Variants in EYS observed in about 807,000 individuals in gnomAD.
EYS encodes protein eyes shut homolog.
EYS carries 250 observed loss-of-function variants against 282.1 expected under a neutral mutation model. The observed-to-expected ratio is 0.89, with a 90% CI of 0.80 to 0.98. The LOEUF (loss-of-function observed/expected upper bound fraction) is 0.98. EYS is among the 50% of genes least tolerant of loss of function. The pLI is 0.00. For synonymous variants in EYS, 1,355 were observed against 1,282.9 expected (o/e 1.06, Z -1.20); for missense variants, 4,016 against 3,709.0 (o/e 1.08, Z -2.15).
chr6:63,746,131 T>A (rs1181871016), intron 41 of EYS, among the ~76,000 whole-genome samples: 1 of 152,220 alleles, frequency 6.6e-6, no homozygotes, highest in African/African-American at 2.4e-5. Flanking sequence ...GTTTTTAGCA[T>A]GAAGGAGTGT....
At position 63,778,031 on chromosome 6, in the gene EYS, A is replaced by T. The variant is rs751128329; in HGVS notation, c.7873T>A (p.Cys2625Ser). The change falls in exon 40 of 43, where the codon TGC becomes AGC. Residue 2625 changes from cysteine to serine, a missense_variant. Coordinates refer to ENST00000503581, the MANE Select transcript of EYS (RefSeq NM_001142800.2). ...TAAACACTAGTTCCACTCTCTATGC[A>T]TGTCCCACCATTGCCACATTTCATT... ...SLMKCGNGGT[C>S]IESGTSVYCN... 6.4e-7 allele frequency: 1 copy of T among 1,551,694 alleles called. No homozygotes were observed. The highest frequency in any genetic ancestry group is 1.2e-5 in the South Asian group (1 of 84,066).
At chr6:64,705,813 T>G (rs1307577980) in intron 22 of EYS, among the ~76,000 whole-genome samples, 1 of 116,844 alleles carries the variant, frequency 8.6e-6, no homozygotes, top group Non-Finnish European at 1.7e-5. Context: ...AACATCACAC[T>G]CTGGGGACTG....
intron 2 of EYS, among the ~76,000 whole-genome samples, chr6:65,526,754 C>T (rs1767582304): frequency 6.6e-6 from 1 of 151,982 alleles, no homozygotes; most frequent in African/African-American, 2.4e-5. Context: ...TGCAGTGAGC[C>T]CAGATCGCGC....
chr6:63,774,633 TGCATATGTTAATTA>T (rs1370246475), intron 40 of EYS, among the ~76,000 whole-genome samples: 1 of 152,154 alleles, frequency 6.6e-6, no homozygotes, highest in Non-Finnish European at 1.5e-5. Context: ...TGTGAGGTAA[TGCATATGTTAATTA>T]GCTCATTTGA....
At chr6:64,011,768 T>C (rs921142977) in intron 33 of EYS, among the ~76,000 whole-genome samples, 1 of 152,194 alleles carries the variant, frequency 6.6e-6, no homozygotes, top group East Asian at 1.9e-4. Flanking sequence ...ACCTAGTTCA[T>C]GTATAATTGC....
intron 2 of EYS, among the ~76,000 whole-genome samples, chr6:65,502,505 G>C (rs1397190917): frequency 6.6e-6 from 1 of 151,586 alleles, no homozygotes; most frequent in Non-Finnish European, 1.5e-5. Context: ...TTTCATATTA[G>C]TATAACACAT....
intron 9 of EYS, among the ~76,000 whole-genome samples, chr6:65,351,294 G>A (rs1165346734): frequency 6.6e-6 from 1 of 151,634 alleles, no homozygotes; most frequent in African/African-American, 2.4e-5. Flanking sequence ...TTTAATTTTT[G>A]TTATAATTAG....
chr6:63,950,171 C>CA (rs967914796), intron 35 of EYS, among the ~76,000 whole-genome samples: 35 of 124,878 alleles, frequency 2.8e-4, no homozygotes, highest in Admixed American at 1.3e-3. Context: ...GACTCCGTCT[C>CA]AAAAAACAAA....
At chr6:64,857,616 T>C (rs1766105716) in intron 19 of EYS, among the ~76,000 whole-genome samples, 1 of 152,194 alleles carries the variant, frequency 6.6e-6, no homozygotes, top group Non-Finnish European at 1.5e-5. Flanking sequence ...CTTTCGGATA[T>C]GTATTCAGAA....
At chr6:64,345,349 A>G (rs573227675) in intron 29 of EYS, among the ~76,000 whole-genome samples, 1 of 152,298 alleles carries the variant, frequency 6.6e-6, no homozygotes, top group African/African-American at 2.4e-5. Flanking sequence ...GTACCAAAAC[A>G]GAGATGTAGA....
intron 12 of EYS, among the ~76,000 whole-genome samples, chr6:65,259,345 C>G (rs964385769): frequency 2.6e-5 from 4 of 152,058 alleles, no homozygotes; most frequent in South Asian, 2.1e-4. Context: ...AAAAAAACTG[C>G]TTCAGAGATT....
At chr6:65,571,348 G>A (rs1764471415) in intron 2 of EYS, among the ~76,000 whole-genome samples, 1 of 151,978 alleles carries the variant, frequency 6.6e-6, no homozygotes, top group Non-Finnish European at 1.5e-5. Flanking sequence ...AATAAAAGTT[G>A]ATAGGCAGAT....
intron 26 of EYS, among the ~76,000 whole-genome samples, chr6:64,507,863 A>G (rs1777261622): frequency 6.6e-6 from 1 of 152,170 alleles, no homozygotes; most frequent in South Asian, 2.1e-4. Context: ...TGACAAGCTA[A>G]TACCACAGAT....
At chr6:64,500,335 AT>A (rs1398304924) in intron 26 of EYS, among the ~76,000 whole-genome samples, 1 of 152,062 alleles carries the variant, frequency 6.6e-6, no homozygotes, top group African/African-American at 2.4e-5. Context: ...AAGGACCATA[AT>A]TTTCCTGCTT....
intron 35 of EYS, among the ~76,000 whole-genome samples, chr6:63,971,825 T>G (rs899802249): frequency 6.6e-6 from 1 of 152,206 alleles, no homozygotes; most frequent in East Asian, 1.9e-4. Context: ...ATTTCAATTG[T>G]ATTTGTCATA....
At chr6:64,160,505 C>T (rs989169191) in intron 31 of EYS, among the ~76,000 whole-genome samples, 1 of 152,138 alleles carries the variant, frequency 6.6e-6, no homozygotes, top group African/African-American at 2.4e-5. Context: ...TAAATCTAGC[C>T]TCTTCTGTAG....
At chr6:64,585,797 T>A (rs1434690328) in intron 26 of EYS, among the ~76,000 whole-genome samples, 1 of 152,164 alleles carries the variant, frequency 6.6e-6, no homozygotes, top group Non-Finnish European at 1.5e-5. Flanking sequence ...CTTTCTTGGT[T>A]ATACTTTTGC....
chr6:65,318,359 T>A (rs1478754108), intron 11 of EYS, among the ~76,000 whole-genome samples: 2 of 151,092 alleles, frequency 1.3e-5, no homozygotes, highest in Non-Finnish European at 2.9e-5. Context: ...TCTTTCAAAG[T>A]CTAATCTTAG....
At chr6:64,403,864 A>G (rs1773617751) in intron 28 of EYS, among the ~76,000 whole-genome samples, 1 of 152,136 alleles carries the variant, frequency 6.6e-6, no homozygotes, top group Admixed American at 6.5e-5. Flanking sequence ...CTTCAAAATG[A>G]CATGTGTAAT....
Sources: gnomAD v4.1 joint callset for allele counts (sites outside exome capture counted in the v4.1 genomes callset) on GRCh38, gnomAD v4.1.1 for gene constraint, MANE v1.5 for transcripts, NCBI Gene and HGNC (gene_info 2026-07-23, HGNC 2026-07-21) for gene names.